CSMD2: variants seen among roughly 807,000 people sequenced by gnomAD.
CSMD2 encodes the protein CUB and Sushi multiple domains 2.
A neutral mutation model predicts 398.5 loss-of-function variants in CSMD2; 130 were observed. The observed-to-expected ratio is 0.33, with a 90% confidence interval of 0.28 to 0.38. CSMD2 has a LOEUF of 0.38. Ranked by LOEUF, CSMD2 falls within the 10% of genes least tolerant of loss-of-function variation. CSMD2 has a pLI of 1.00. For missense variants in CSMD2, 3,829 were observed against 4,764.9 expected, an observed-to-expected ratio of 0.80 and a Z score of 5.78; for synonymous variants, 1,828 against 1,908.5, an observed-to-expected ratio of 0.96 and a Z score of 1.10.
rs544688986 is a variant in CSMD2, at chr1:33,723,188, A to T, written c.3001+1009T>A. Among the ~76,000 whole-genome samples, 76 of 152,378 alleles carry T rather than the reference A, an allele frequency of 5.0e-4. 1 individual carries two copies. Among genetic ancestry groups the T allele is most frequent in the African/African-American group, 1.8e-3 (73 of 41,594 alleles). ...CAACATTTTAATATCCGGAAGGATT[A>T]ATCTTCCTTTAAAATTAGTTTTTTG... On this transcript the variant is annotated intron_variant, in intron 19 of 70. Transcript: ENST00000373381.
intron 66 of CSMD2, among the ~76,000 whole-genome samples, chr1:33,524,267 A>G (rs1654573960): frequency 6.6e-6 from 1 of 152,208 alleles, no homozygotes; most frequent in South Asian, 2.1e-4. Context: ...TTTATATACT[A>G]CAAATGGCCT....
chr1:33,689,760 G>C (rs1242059144), intron 25 of CSMD2, among the ~76,000 whole-genome samples: 1 of 152,198 alleles, frequency 6.6e-6, no homozygotes, highest in Non-Finnish European at 1.5e-5. Context: ...ATCTAGAAAT[G>C]AAGTATCATG....
In CSMD2 at chr1:33,533,180, G is replaced by A. The variant is rs1161484377; in HGVS notation, c.10041C>T (p.Ala3347=). The A allele has an allele frequency of 1.2e-6, 2 of 1,614,012 alleles. No homozygotes were observed. The change falls in exon 64 of 71, where the codon GCC becomes GCT. Residue 3347 remains alanine (A), a synonymous_variant. Coordinates refer to ENST00000373381, the MANE Select transcript of CSMD2 (RefSeq NM_001281956.2). This position sits in a 1 kb window ranked among gnomAD's most constrained non-coding sequence, Gnocchi z 4.2. ...PETPTHANVG[A]LDLPSMGYTL... is the part of the protein sequence containing the mutation. ...TGTAGCCCATGGAGGGCAAATCCAG[G>A]GCCCCGACGTTGGCATGCGTTGGCG...
rs749543250 is a variant in CSMD2, at chr1:33,780,141, G to A, written c.1664-7390C>T. Reference sequence around the variant, plus strand: ...GTCAGCTCCCTCAGAGCCAGGGGTCGCATCCCTTCCACTCTTTGTATCTCC... The same window carrying A: ...GTCAGCTCCCTCAGAGCCAGGGGTCACATCCCTTCCACTCTTTGTATCTCC... On this transcript the variant is annotated intron_variant, in intron 12 of 70. Transcript: ENST00000373381. Among the ~76,000 whole-genome samples the A allele has an allele frequency of 5.8e-4, 88 of 152,096 alleles. 1 individual carries two copies. Among genetic ancestry groups the A allele is most frequent in the Admixed American group, 5.6e-3 (85 of 15,280 alleles).
intron 6 of CSMD2, among the ~76,000 whole-genome samples, chr1:33,826,622 G>A (rs933030730): frequency 6.6e-6 from 1 of 152,188 alleles, no homozygotes; most frequent in African/African-American, 2.4e-5. Context: ...CTTTGACCCT[G>A]TCACTAAGTC....
chr1:33,724,755 G>T, intron 17 of CSMD2, 51 bp from the exon 18 acceptor site: 1 of 1,554,048 alleles, frequency 6.4e-7, no homozygotes, highest in Non-Finnish European at 8.8e-7. Flanking sequence ...TCACTACAGA[G>T]GGACCCCAGT....
At chr1:33,700,721 T>C (rs1226747757) in intron 22 of CSMD2, 48 bp from the exon 23 acceptor site, 13 of 1,601,242 alleles carry the variant, frequency 8.1e-6, no homozygotes, top group African/African-American at 6.7e-5. Flanking sequence ...CATGGCCTTA[T>C]GTTGAACAAC....
intron 23 of CSMD2, 52 bp downstream of exon 23, chr1:33,700,465 T>G: frequency 6.3e-7 from 1 of 1,591,602 alleles, no homozygotes; most frequent in East Asian, 2.2e-5. Context: ...AATAAATGAA[T>G]AAAATGGGAA....
chr1:33,864,344 C>A, intron 5 of CSMD2: 1 of 1,613,826 alleles, frequency 6.2e-7, no homozygotes. Context: ...AATGGAGATC[C>A]ATCTCAAAGC....
At chr1:33,583,874 T>A (rs766554027) in intron 46 of CSMD2, 44 bp from the exon 47 acceptor site, 2 of 1,550,176 alleles carry the variant, frequency 1.3e-6, no homozygotes, top group African/African-American at 2.7e-5. Flanking sequence ...GGGGTGGAGA[T>A]GGAACTACGG....
Position 33,967,156 on chromosome 1 carries a change from A to T in CSMD2, c.518-31202T>A, listed in dbSNP as rs560380141. 5.3e-5 allele frequency among the ~76,000 whole-genome samples: 8 copies of T among 151,878 alleles called. No homozygotes were observed. The South Asian group carries it at 8.3e-4, about 16-fold the overall frequency. On this transcript the variant is annotated intron_variant, in intron 3 of 70. Coordinates refer to ENST00000373381, the MANE Select transcript of CSMD2 (RefSeq NM_001281956.2). Reference sequence around the variant, plus strand: ...GAGAGTATATTTTAGTGGAGAATTGATTTTAATATTTTATAAATGGCTTTG... The same window carrying T: ...GAGAGTATATTTTAGTGGAGAATTGTTTTTAATATTTTATAAATGGCTTTG...
At chr1:33,643,877 G>A (rs189191286) in intron 29 of CSMD2, among the ~76,000 whole-genome samples, 2 of 148,824 alleles carry the variant, frequency 1.3e-5, no homozygotes, top group African/African-American at 5.0e-5. Context: ...TAGGAGGTGT[G>A]TAGTCTGGGA....
chr1:34,147,546 A>G (rs1639893039), intron 1 of CSMD2, among the ~76,000 whole-genome samples: 2 of 152,102 alleles, frequency 1.3e-5, no homozygotes, highest in Non-Finnish European at 2.9e-5. Flanking sequence ...GGAGGGTGTA[A>G]GCCAGGTAAC....
intron 21 of CSMD2, among the ~76,000 whole-genome samples, chr1:33,710,689 T>C (rs1274942299): frequency 6.6e-6 from 1 of 152,230 alleles, no homozygotes; most frequent in Non-Finnish European, 1.5e-5. Flanking sequence ...TTGGGCCTTA[T>C]AGTTAACCCT....
At chr1:33,932,203 G>C (rs982151541) in intron 4 of CSMD2, among the ~76,000 whole-genome samples, 2 of 152,132 alleles carry the variant, frequency 1.3e-5, no homozygotes, top group African/African-American at 4.8e-5. Context: ...ACAAGCTGAG[G>C]AGAACTTTAG....
chr1:33,644,845 C>A (rs1218807925), intron 29 of CSMD2, among the ~76,000 whole-genome samples: 1 of 152,076 alleles, frequency 6.6e-6, no homozygotes, highest in Non-Finnish European at 1.5e-5. Flanking sequence ...AGGAGGTTTA[C>A]CAAATGGCAG....
chr1:34,116,548 G>A (rs1432848819), intron 1 of CSMD2, among the ~76,000 whole-genome samples: 1 of 151,978 alleles, frequency 6.6e-6, no homozygotes, highest in African/African-American at 2.4e-5. Flanking sequence ...TGATAAGGAA[G>A]AGAGATTTCC....
chr1:33,945,579 A>G (rs992119775), intron 3 of CSMD2, among the ~76,000 whole-genome samples: 11 of 152,092 alleles, frequency 7.2e-5, no homozygotes, highest in African/African-American at 2.2e-4. Context: ...AAGGTTTGGG[A>G]TACAGCAAGA....
chr1:33,551,657 A>T (rs1403178158), intron 55 of CSMD2, among the ~76,000 whole-genome samples: 1 of 152,188 alleles, frequency 6.6e-6, no homozygotes, highest in African/African-American at 2.4e-5. Context: ...TGGGTCAAAC[A>T]TTGTTCTAAA....
Sources: allele counts gnomAD v4.1 joint callset (sites outside exome capture counted in the v4.1 genomes callset), GRCh38; gene constraint gnomAD v4.1.1; non-coding constraint Gnocchi (gnomAD v3.1); transcripts MANE v1.5; gene names NCBI Gene and HGNC (gene_info 2026-07-23, HGNC 2026-07-21).